Variants in SPHKAP observed in about 807,000 individuals in gnomAD.
The protein encoded by SPHKAP is SPHK1 interactor, AKAP domain containing.
A neutral mutation model predicts 137.5 loss-of-function variants in SPHKAP; 67 were observed. The observed-to-expected ratio is 0.49, with a 90% CI of 0.40 to 0.60. The LOEUF (loss-of-function observed/expected upper bound fraction) is 0.60. SPHKAP is among the 20% of genes least tolerant of loss of function. SPHKAP has a pLI of 0.00. For missense variants in SPHKAP, 2,097 were observed against 2,069.3 expected (o/e 1.01, Z -0.26); for synonymous variants, 813 against 785.3 (o/e 1.04, Z -0.59).
intron 1 of SPHKAP, among the ~76,000 whole-genome samples, chr2:228,165,625 T>C (rs1260233724): frequency 6.6e-6 from 1 of 152,300 alleles, no homozygotes; most frequent in Admixed American, 6.5e-5. Context: ...TTTGTGAAAA[T>C]AAAAATGATT....
At chr2:228,098,425 T>C (rs560451358) in intron 3 of SPHKAP, among the ~76,000 whole-genome samples, 1 of 152,276 alleles carries the variant, frequency 6.6e-6, no homozygotes, top group East Asian at 1.9e-4. Context: ...TGGAATACTA[T>C]GCAGCCATAA....
At chr2:228,143,540 G>C (rs1442789543) in intron 1 of SPHKAP, among the ~76,000 whole-genome samples, 1 of 151,720 alleles carries the variant, frequency 6.6e-6, no homozygotes, top group Non-Finnish European at 1.5e-5. Flanking sequence ...CTGTCGCCCA[G>C]GCTGGAGTGC....
intron 3 of SPHKAP, among the ~76,000 whole-genome samples, chr2:228,093,877 A>C (rs971188196): frequency 7.3e-5 from 11 of 150,902 alleles, no homozygotes; most frequent in East Asian, 1.9e-4. Flanking sequence ...AAAAAAAAAA[A>C]AAAAAAAAAC....
rs533863762 is a variant in SPHKAP at position 228,180,022 on chromosome 2, A to T, written c.32+1545T>A. Among the ~76,000 whole-genome samples, 6 of 152,308 alleles carry T rather than the reference A, an allele frequency of 3.9e-5. No individual in the cohort carries two copies. The East Asian group carries it at 9.7e-4, about 25-fold the overall frequency. On this transcript the variant is annotated intron_variant, in intron 1 of 11. Transcript: ENST00000392056. ...AGATAGGTGGAGAAAGTGAGCTTCCAATTTACATGACTTTCCAAACACCTT... is the reference window on the plus strand; with the variant it reads ...AGATAGGTGGAGAAAGTGAGCTTCCTATTTACATGACTTTCCAAACACCTT...
chr2:228,063,807 G>C lies in SPHKAP; in HGVS notation c.247-36264C>G, dbSNP rs1178423611. ...ACCACTTTAATTGCCAGTATGACTG[G>C]TCTAACCACTGAATTGTTACAGGAA... On this transcript the variant is annotated intron_variant, in intron 3 of 11. Transcript: ENST00000392056. Among the ~76,000 whole-genome samples the C allele has an allele frequency of 3.9e-5, 6 of 152,292 alleles. No homozygotes were observed. The East Asian group carries it at 1.2e-3, about 29-fold the overall frequency.
chr2:228,165,621 A>T (rs918778238), intron 1 of SPHKAP, among the ~76,000 whole-genome samples: 2 of 151,778 alleles, frequency 1.3e-5, no homozygotes, highest in African/African-American at 4.9e-5. Flanking sequence ...AACCTTTGTG[A>T]AAATAAAAAT....
chr2:228,150,061 A>G (rs908258643), intron 1 of SPHKAP, among the ~76,000 whole-genome samples: 4 of 152,164 alleles, frequency 2.6e-5, no homozygotes, highest in African/African-American at 9.7e-5. Flanking sequence ...TAAGTTAAGG[A>G]AGTTCTTGTC....
chr2:228,162,183 T>C (rs78450619), intron 1 of SPHKAP, among the ~76,000 whole-genome samples: 1,842 of 152,348 alleles, frequency 0.012, 13 homozygotes, highest in Middle Eastern at 0.031. Flanking sequence ...TGAGGTTTGC[T>C]GCTTCTGTGT....
chr2:228,140,886 G>T (rs1574888173), intron 1 of SPHKAP, among the ~76,000 whole-genome samples: 1 of 151,968 alleles, frequency 6.6e-6, no homozygotes, highest in African/African-American at 2.4e-5. Flanking sequence ...GCTTCCAGAG[G>T]CCTCCACAGA....
intron 1 of SPHKAP, among the ~76,000 whole-genome samples, chr2:228,156,476 A>G (rs6739688): frequency 0.28 from 42,369 of 152,164 alleles, 6,115 homozygotes; most frequent in African/African-American, 0.35. Flanking sequence ...AAAATGGGAT[A>G]TCTTTCTAAT....
At chr2:228,103,679 TG>T (rs1215181440) in intron 3 of SPHKAP, among the ~76,000 whole-genome samples, 1 of 152,192 alleles carries the variant, frequency 6.6e-6, no homozygotes, top group Admixed American at 6.5e-5. Flanking sequence ...ACCTTTATTT[TG>T]CTCAGAGGCT....
intron 3 of SPHKAP, among the ~76,000 whole-genome samples, chr2:228,036,289 T>C (rs1375337261): frequency 6.6e-6 from 1 of 152,154 alleles, no homozygotes; most frequent in Non-Finnish European, 1.5e-5. Context: ...AAAATGCTCC[T>C]CATCACTGGC....
Position 227,991,068 on chromosome 2 carries a change from T to A in SPHKAP, c.4891A>T (p.Ile1631Leu). The A allele has an allele frequency of 6.2e-7, 1 of 1,614,176 alleles. No homozygotes were observed. Among genetic ancestry groups the A allele is most frequent in the Non-Finnish European group, 8.5e-7 (1 of 1,180,024 alleles). ...DAELRATLQW[I>L]AASELGIPTI... ...GGAATCCCCAGTTCAGAGGCAGCTA[T>A]CCACTGCAGAGTGGCTCGGAGCTCG... Residue 1631 changes from isoleucine (I) to leucine (L), a missense_variant, in exon 11 of 12, where the codon ATA (isoleucine) becomes TTA (leucine). Ile to Leu is a conservative substitution (Grantham distance 5, BLOSUM62 2). Transcript: ENST00000392056.
chr2:228,086,437 G>A (rs1697541376), intron 3 of SPHKAP, among the ~76,000 whole-genome samples: 1 of 152,080 alleles, frequency 6.6e-6, no homozygotes, highest in Non-Finnish European at 1.5e-5. Context: ...TCACTGGGAA[G>A]CAGAGGCTAC....
intron 1 of SPHKAP, among the ~76,000 whole-genome samples, chr2:228,138,453 G>A (rs946652000): frequency 1.3e-5 from 2 of 152,186 alleles, no homozygotes; most frequent in African/African-American, 4.8e-5. Flanking sequence ...TCATCTCCTA[G>A]GTAAGAAGTT....
intron 3 of SPHKAP, among the ~76,000 whole-genome samples, chr2:228,079,739 C>T (rs77266117): frequency 0.012 from 1,762 of 152,310 alleles, 102 homozygotes; most frequent in Admixed American, 0.084. Context: ...GGCCCATCTT[C>T]GTATACCCAG....
At chr2:227,983,133 G>C (rs1000604801) in intron 11 of SPHKAP, among the ~76,000 whole-genome samples, 1 of 151,724 alleles carries the variant, frequency 6.6e-6, no homozygotes, top group African/African-American at 2.4e-5. Context: ...ATTATTTTTT[G>C]GTATTTGTTT....
intron 3 of SPHKAP, among the ~76,000 whole-genome samples, chr2:228,103,451 A>G (rs986341804): frequency 2.6e-5 from 4 of 152,170 alleles, no homozygotes; most frequent in Admixed American, 2.0e-4. Flanking sequence ...AGGGGGATGG[A>G]CACGAAAATT....
chr2:228,093,866 A>AAAAC (rs1697894135), intron 3 of SPHKAP, among the ~76,000 whole-genome samples: 1 of 149,876 alleles, frequency 6.7e-6, no homozygotes, highest in African/African-American at 2.4e-5. Context: ...TTTCAAAAAA[A>AAAAC]AAAAAAAAAA....
Sources: gnomAD v4.1 joint callset for allele counts (sites outside exome capture counted in the v4.1 genomes callset) on GRCh38, gnomAD v4.1.1 for gene constraint, MANE v1.5 for transcripts, NCBI Gene and HGNC (gene_info 2026-07-23, HGNC 2026-07-21) for gene names.